Variants in TBCK observed in about 807,000 individuals in gnomAD.
TBCK encodes TBC1 domain containing kinase.
A neutral mutation model predicts 113.4 loss-of-function variants in TBCK; 99 were observed. The ratio of observed to expected loss-of-function variants is 0.87; its 90% CI spans 0.74 to 1.03. TBCK has a LOEUF of 1.03. TBCK is among the 50% of genes least tolerant of loss of function. TBCK has a pLI of 0.00. For missense variants in TBCK, 1,045 were observed against 1,061.3 expected (o/e 0.98, Z 0.21); for synonymous variants, 369 against 370.8 (o/e 1.00, Z 0.05).
chr4:106,219,753 G>A (rs944164961), intron 19 of TBCK, among the ~76,000 whole-genome samples: 1 of 151,498 alleles, frequency 6.6e-6, no homozygotes, highest in Non-Finnish European at 1.5e-5. Flanking sequence ...TGTCTAGGCT[G>A]GTCTCAAACT....
At chr4:106,214,254 C>G (rs1367861504) in intron 19 of TBCK, among the ~76,000 whole-genome samples, 21 of 152,178 alleles carry the variant, frequency 1.4e-4, no homozygotes, top group Admixed American at 2.0e-4. Flanking sequence ...TAGATAAAAC[C>G]ACAAAGATGG....
At chr4:106,232,215 T>C (rs1437827685) in intron 17 of TBCK, among the ~76,000 whole-genome samples, 4 of 151,810 alleles carry the variant, frequency 2.6e-5, no homozygotes, top group Admixed American at 6.6e-5. Flanking sequence ...GGATTCCAAA[T>C]ATATGACATT....
chr4:106,172,962 T>C (rs1349190867), intron 22 of TBCK, among the ~76,000 whole-genome samples: 1 of 152,152 alleles, frequency 6.6e-6, no homozygotes, highest in Non-Finnish European at 1.5e-5. Context: ...ACTATAAGGT[T>C]ATAAGGCATC....
intron 24 of TBCK, 32 bp downstream of exon 24, chr4:106,116,171 C>T (rs1305688077): frequency 6.2e-7 from 1 of 1,601,848 alleles, no homozygotes; most frequent in Non-Finnish European, 8.5e-7. Flanking sequence ...ATAAGCAGTA[C>T]CACCCTTTAA....
chr4:106,169,846 C>G (rs1044863448), intron 23 of TBCK, among the ~76,000 whole-genome samples: 2 of 152,098 alleles, frequency 1.3e-5, no homozygotes, highest in Non-Finnish European at 2.9e-5. Flanking sequence ...GATCATCAGG[C>G]ATTAGATTCT....
chr4:106,144,840 A>C (rs986432481), intron 23 of TBCK, among the ~76,000 whole-genome samples: 7 of 151,388 alleles, frequency 4.6e-5, no homozygotes, highest in African/African-American at 1.5e-4. Context: ...CCTGACCATC[A>C]TGGAGAAACC....
intron 3 of TBCK, among the ~76,000 whole-genome samples, chr4:106,280,318 T>C (rs573665971): frequency 6.6e-6 from 1 of 152,236 alleles, no homozygotes; most frequent in Admixed American, 6.5e-5. Context: ...GCTCCTTATA[T>C]AATCTAGTTA....
At chr4:106,229,025 T>C (rs1050774938) in intron 19 of TBCK, among the ~76,000 whole-genome samples, 1 of 152,128 alleles carries the variant, frequency 6.6e-6, no homozygotes. Flanking sequence ...AGAAGCCTGT[T>C]TGCCATGTGT....
At chr4:106,244,808 C>T (rs756082735) in intron 10 of TBCK, 44 bp from the exon 11 acceptor site, 3 of 1,295,464 alleles carry the variant, frequency 2.3e-6, no homozygotes, top group African/African-American at 1.5e-5. Flanking sequence ...ATATTTTCTA[C>T]TTTTATTAAA....
chr4:106,219,517 A>G (rs915653758), intron 19 of TBCK, among the ~76,000 whole-genome samples: 3 of 152,112 alleles, frequency 2.0e-5, no homozygotes, highest in African/African-American at 7.2e-5. Flanking sequence ...ATTAGAATTC[A>G]TAGAGTTCAG....
At chr4:106,095,236 T>C (rs1740767263) in intron 25 of TBCK, among the ~76,000 whole-genome samples, 1 of 151,956 alleles carries the variant, frequency 6.6e-6, no homozygotes, top group African/African-American at 2.4e-5. Flanking sequence ...AGAAAGCAGT[T>C]AGAAAAAAAC....
chr4:106,123,832 C>T (rs1383776363), intron 23 of TBCK, among the ~76,000 whole-genome samples: 2 of 148,286 alleles, frequency 1.3e-5, no homozygotes, highest in South Asian at 2.2e-4. Context: ...CTTCCTTACA[C>T]CTTATACAAA....
At chr4:106,066,371 C>T (rs965290567) in intron 25 of TBCK, among the ~76,000 whole-genome samples, 2 of 151,894 alleles carry the variant, frequency 1.3e-5, no homozygotes, top group Non-Finnish European at 2.9e-5. Flanking sequence ...CCCAAAATAC[C>T]TTCAGAGGTT....
chr4:106,241,486 T>C (rs1420707705), intron 12 of TBCK, among the ~76,000 whole-genome samples: 3 of 151,960 alleles, frequency 2.0e-5, no homozygotes, highest in Non-Finnish European at 4.4e-5. Flanking sequence ...TTGCTAGATA[T>C]CAACAGTTCA....
intron 20 of TBCK, among the ~76,000 whole-genome samples, chr4:106,195,575 T>G (rs979687891): frequency 1.5e-4 from 23 of 151,686 alleles, no homozygotes; most frequent in African/African-American, 5.1e-4. Context: ...AACTGTCCTC[T>G]CCAGTGTGGG....
intron 8 of TBCK, among the ~76,000 whole-genome samples, chr4:106,248,648 G>C (rs1013959059): frequency 9.9e-5 from 15 of 152,152 alleles, no homozygotes; most frequent in African/African-American, 3.6e-4. Context: ...TAGGTCATAA[G>C]GGCTCTTCCC....
At chr4:106,052,873 C>T (rs1734961840) in intron 25 of TBCK, among the ~76,000 whole-genome samples, 1 of 151,544 alleles carries the variant, frequency 6.6e-6, no homozygotes, top group Non-Finnish European at 1.5e-5. Flanking sequence ...CCTTCCATGC[C>T]CTCTTCCCAC....
rs924940824 is a variant in TBCK, at chr4:106,044,638, A to T, written c.*1932T>A. 3.9e-5 allele frequency: 6 copies of T among 152,178 alleles called. No homozygotes were observed. Among genetic ancestry groups the T allele is most frequent in the African/African-American group, 1.2e-4 (5 of 41,434 alleles). 9.4% of individuals were successfully genotyped at this position (152,178 alleles called of 1,614,324 possible). On this transcript the variant is annotated 3_prime_UTR_variant, in exon 26 of 26. Transcript: ENST00000394708. ...CTCCATATACAAAAATTTATCAAAG[A>T]CCTTAGGAGGGGTTAATGTGGAATA...
intron 3 of TBCK, among the ~76,000 whole-genome samples, chr4:106,269,315 A>G (rs563707119): frequency 7.9e-5 from 12 of 152,298 alleles, no homozygotes; most frequent in Admixed American, 5.9e-4. Flanking sequence ...CAGCTAGTAT[A>G]TAACTTTTAA....
Sources: allele counts gnomAD v4.1 joint callset (sites outside exome capture counted in the v4.1 genomes callset), GRCh38; gene constraint gnomAD v4.1.1; transcripts MANE v1.5; gene names NCBI Gene and HGNC (gene_info 2026-07-23, HGNC 2026-07-21).